LRP11: variants seen among roughly 807,000 people sequenced by gnomAD.
The protein encoded by LRP11 is low-density lipoprotein receptor-related protein 11.
In LRP11, 25 loss-of-function variants were observed where a neutral mutation model predicts 43.1. That is an observed-to-expected ratio of 0.58 (90% CI 0.42 to 0.81). The LOEUF is 0.81. Ranked by LOEUF, LRP11 falls within the 30% of genes least tolerant of loss-of-function variation. The pLI is 0.00. For missense variants in LRP11, 623 were observed against 665.1 expected (o/e 0.94, Z 0.70); for synonymous variants, 316 against 299.4 (o/e 1.06, Z -0.57).
Position 149,863,942 on chromosome 6 carries a change from G to A in LRP11, c.79C>T (p.Leu27=). Residue 27 remains leucine, a synonymous_variant, in exon 1 of 7, where the codon CTG becomes TTG. Coordinates refer to ENST00000239367, the MANE Select transcript of LRP11 (RefSeq NM_032832.6). ...PRHGALRGLL[L]LCLWLPSGRA... is the part of the protein sequence containing the mutation. ...CCGCTTGGCAGCCACAGGCAGAGCA[G>A]TAGCAGCCCGCGCAGCGCCCCGTGA... 3.4e-6 allele frequency: 5 copies of A among 1,454,978 alleles called. No homozygotes were observed. In the Admixed American group the frequency reaches 1.0e-4, roughly 30 times the overall value. The allele number at this position is 1,454,978 out of a possible 1,614,324, so 90.1% of individuals were successfully genotyped here.
In LRP11 at chr6:149,820,557, A is replaced by G; in HGVS notation, c.1495T>C (p.Tyr499His). The change falls in exon 7 of 7, where the codon TAT (tyrosine) becomes CAT (histidine). Residue 499 changes from tyrosine to histidine, a missense_variant. Physicochemically the swap from Tyr to His is moderately conservative, Grantham distance 83. Transcript: ENST00000239367. ...EESDYLINGM[Y>H]L The stretch of plus-strand genomic sequence containing the variant: ...GTATTGAAATTACATTACTATAGAT[A>G]CATCCCATTTATGAGGTAGTCCGAT... 1.3e-6 allele frequency: 1 copy of G among 780,900 alleles called. No individual in the cohort carries two copies. The highest frequency in any genetic ancestry group is 2.4e-6 in the Non-Finnish European group (1 of 418,122). The allele number at this position is 780,900 out of a possible 1,614,324, so 48.4% of individuals were successfully genotyped here.
intron 2 of LRP11, among the ~76,000 whole-genome samples, chr6:149,844,715 T>C (rs899166598): frequency 2.0e-5 from 3 of 152,224 alleles, no homozygotes; most frequent in Non-Finnish European, 4.4e-5. Flanking sequence ...CTTTGGAAAT[T>C]ACAGAGGATG....
intron 5 of LRP11, 58 bp from the exon 6 acceptor site, chr6:149,826,417 CAA>C: frequency 8.1e-7 from 1 of 1,239,502 alleles, no homozygotes; most frequent in African/African-American, 1.5e-5. Flanking sequence ...CTTCAGGAAA[CAA>C]ATGTGAAAAT....
chr6:149,823,390 T>A (rs751663961), intron 6 of LRP11, among the ~76,000 whole-genome samples: 5 of 151,990 alleles, frequency 3.3e-5, no homozygotes, highest in Admixed American at 1.3e-4. Flanking sequence ...TAGGAGATGA[T>A]GAGAAATGAA....
chr6:149,822,501 TAAAAAAAAAAA>T (rs35135120), intron 6 of LRP11, among the ~76,000 whole-genome samples: 1 of 143,696 alleles, frequency 7.0e-6, no homozygotes, highest in Non-Finnish European at 1.6e-5. Flanking sequence ...GATCCTGTCT[TAAAAAAAAAAA>T]AAAAAAAGAC....
Position 149,864,079 on chromosome 6 carries a change from G to T in LRP11, c.-59C>A. 2 of 1,246,410 alleles carry T rather than the reference G, an allele frequency of 1.6e-6. No individual in the cohort carries two copies. Among genetic ancestry groups the T allele is most frequent in the Non-Finnish European group, 2.0e-6 (2 of 997,462 alleles). The allele number at this position is 1,246,410 out of a possible 1,614,324, so 77.2% of individuals were successfully genotyped here. ...GGGCTGAGCGCGGGAGGAAGGCGGG[G>T]ACGCGGGCGAGCGCGGGCCCTGGGC... On this transcript the variant is annotated 5_prime_UTR_variant, in exon 1 of 7. Coordinates refer to ENST00000239367, the MANE Select transcript of LRP11 (RefSeq NM_032832.6).
chr6:149,839,971 C>T (rs764522916), intron 3 of LRP11, among the ~76,000 whole-genome samples: 5 of 152,158 alleles, frequency 3.3e-5, no homozygotes, highest in Admixed American at 6.5e-5. Context: ...ATGTCTTGAA[C>T]AACTCAGGGG....
At chr6:149,828,179 T>C (rs1250945416) in intron 5 of LRP11, among the ~76,000 whole-genome samples, 1 of 150,790 alleles carries the variant, frequency 6.6e-6, no homozygotes, top group Non-Finnish European at 1.5e-5. Flanking sequence ...CAACAGAGAC[T>C]CCTTTTCAAA....
In LRP11 at chr6:149,837,445, G is replaced by A. The variant is rs753476848; in HGVS notation, c.932C>T (p.Ser311Leu). The change falls in exon 4 of 7, where the codon TCA becomes TTA. Residue 311 changes from serine to leucine, a missense_variant. Coordinates refer to ENST00000239367, the MANE Select transcript of LRP11 (RefSeq NM_032832.6). ...YSTGGCLHTC[S>L]RYHFFCDDGC... ...ATCGTCACAGAAGAAGTGGTAGCGT[G>A]AGCAAGTGTGCAAACATCCTATTTG... 3.7e-6 allele frequency: 6 copies of A among 1,614,048 alleles called. No homozygotes were observed. The highest frequency in any genetic ancestry group is 1.7e-4 in the Middle Eastern group (1 of 6,060).
At chr6:149,859,396 A>ATATATATATATATATATTTTTTTT in intron 1 of LRP11, among the ~76,000 whole-genome samples, 4 of 71,496 alleles carry the variant, frequency 5.6e-5, no homozygotes, top group African/African-American at 1.6e-4. Context: ...ATATATATAT[A>ATATATATATATATATATTTTTTTT]TTTTTTTTTT....
At chr6:149,862,708 T>C (rs993017273) in intron 1 of LRP11, among the ~76,000 whole-genome samples, 5 of 150,444 alleles carry the variant, frequency 3.3e-5, no homozygotes, top group African/African-American at 1.2e-4. Context: ...GCCTCCCGAA[T>C]AGCTGGGATT....
At position 149,838,456 on chromosome 6, in the gene LRP11, C is replaced by T. The variant is rs540857608; in HGVS notation, c.914-993G>A. ...ATCCCAGCACTTTGGGAAGCTAAGG[C>T]GGGTGGATCACAAGGTCAGGAGATC... On this transcript the variant is annotated intron_variant, in intron 3 of 6. Transcript: ENST00000239367. Among the ~76,000 whole-genome samples, 13 of 151,466 alleles carry T rather than the reference C, an allele frequency of 8.6e-5. No homozygotes were observed. In the South Asian group the frequency reaches 2.3e-3, roughly 27 times the overall value.
At chr6:149,820,794 T>C (rs1286093600) in intron 6 of LRP11, 91 bp from the exon 7 acceptor site, 6 of 661,090 alleles carry the variant, frequency 9.1e-6, no homozygotes, top group East Asian at 2.6e-5. Flanking sequence ...TTGCATGCAC[T>C]ATTTTATTTA....
intron 2 of LRP11, 50 bp downstream of exon 2, chr6:149,852,953 A>G: frequency 6.7e-7 from 1 of 1,496,848 alleles, no homozygotes; most frequent in Admixed American, 2.1e-5. Flanking sequence ...ATTACAAAAG[A>G]CCACTTCACT....
rs1319134001 is a variant in LRP11 at position 149,819,698 on chromosome 6, T to C, written c.*851A>G. ...TCGTTTTTCATCAACAAAGCCTATATATATATATATAAATGAGTTGCTGTG... is the reference window on the plus strand; with the variant it reads ...TCGTTTTTCATCAACAAAGCCTATACATATATATATAAATGAGTTGCTGTG... On this transcript the variant is annotated 3_prime_UTR_variant, in exon 7 of 7. Transcript: ENST00000239367. 3.3e-5 allele frequency: 5 copies of C among 152,082 alleles called. No individual in the cohort carries two copies. Among genetic ancestry groups the C allele is most frequent in the African/African-American group, 1.2e-4 (5 of 41,342 alleles). 9.4% of individuals were successfully genotyped at this position (152,082 alleles called of 1,614,324 possible). A position where few individuals can be genotyped will look rare whatever the true frequency, so the allele number is the denominator to read the frequency against.
Position 149,820,372 on chromosome 6 carries a change from A to G in LRP11, c.*177T>C. The G allele has an allele frequency of 2.2e-6, 1 of 458,244 alleles. No homozygotes were observed. Among genetic ancestry groups the G allele is most frequent in the South Asian group, 4.0e-5 (1 of 25,306 alleles). The allele number at this position is 458,244 out of a possible 1,614,324, so 28.4% of individuals were successfully genotyped here. ...TCATGAATTCCTCTCTAAATTTCAAAATATTTTATGACTTCTAAGGAAACT... is the reference window on the plus strand; with the variant it reads ...TCATGAATTCCTCTCTAAATTTCAAGATATTTTATGACTTCTAAGGAAACT... On this transcript the variant is annotated 3_prime_UTR_variant, in exon 7 of 7. Coordinates refer to ENST00000239367, the MANE Select transcript of LRP11 (RefSeq NM_032832.6).
intron 1 of LRP11, among the ~76,000 whole-genome samples, chr6:149,862,692 G>A (rs574588800): frequency 1.1e-4 from 17 of 148,854 alleles, no homozygotes; most frequent in African/African-American, 2.7e-4. Flanking sequence ...CGATTCTCCT[G>A]CCTCAGCCTC....
At chr6:149,842,644 T>C (rs1186553236) in intron 3 of LRP11, 7 of 1,550,882 alleles carry the variant, frequency 4.5e-6, no homozygotes, top group Non-Finnish European at 6.1e-6. Context: ...TTAGCTTCCC[T>C]CTTGGAACAG....
intron 2 of LRP11, among the ~76,000 whole-genome samples, chr6:149,848,948 A>T (rs1428531838): frequency 6.6e-6 from 1 of 152,230 alleles, no homozygotes; most frequent in African/African-American, 2.4e-5. Context: ...CTGTTGCCAT[A>T]TGAGGACACA....
Sources: allele counts gnomAD v4.1 joint callset (sites outside exome capture counted in the v4.1 genomes callset), GRCh38; gene constraint gnomAD v4.1.1; transcripts MANE v1.5; gene names NCBI Gene and HGNC (gene_info 2026-07-23, HGNC 2026-07-21).